NEDD4L: variants seen among roughly 807,000 people sequenced by gnomAD.
NEDD4L encodes E3 ubiquitin-protein ligase NEDD4-like.
In NEDD4L, 54 loss-of-function variants were observed where a neutral mutation model predicts 148.9. The observed-to-expected ratio is 0.36, with a 90% CI of 0.29 to 0.45. The LOEUF (loss-of-function observed/expected upper bound fraction) is 0.45. Ranked by LOEUF, NEDD4L falls within the 20% of genes least tolerant of loss-of-function variation. NEDD4L has a pLI of 1.00. For synonymous variants in NEDD4L, 433 were observed against 440.7 expected, an observed-to-expected ratio of 0.98 and a Z score of 0.22; for missense variants, 856 against 1,233.8, an observed-to-expected ratio of 0.69 and a Z score of 4.59.
At chr18:58,093,347 CG>C (rs769880463) in intron 1 of NEDD4L, among the ~76,000 whole-genome samples, 9 of 152,108 alleles carry the variant, frequency 5.9e-5, no homozygotes, top group Non-Finnish European at 1.0e-4. Context: ...GTAAGAACTG[CG>C]CAAGACAGTG....
chr18:58,385,940 A>G (rs944793286), intron 26 of NEDD4L, among the ~76,000 whole-genome samples: 11 of 152,144 alleles, frequency 7.2e-5, no homozygotes, highest in Non-Finnish European at 1.5e-4. Context: ...CTGCAGTGAC[A>G]GGTTCCAAGA....
At chr18:58,167,345 T>C (rs1249506671) in intron 2 of NEDD4L, among the ~76,000 whole-genome samples, 1 of 152,220 alleles carries the variant, frequency 6.6e-6, no homozygotes, top group African/African-American at 2.4e-5. Context: ...TTCTCTTCCC[T>C]TTCAGAGCAA....
chr18:58,192,699 G>C (rs1176935301), intron 2 of NEDD4L, among the ~76,000 whole-genome samples: 2 of 124,712 alleles, frequency 1.6e-5, no homozygotes, highest in Non-Finnish European at 3.2e-5. Flanking sequence ...ACAGGTACCT[G>C]TCTCTTTGAG....
intron 5 of NEDD4L, among the ~76,000 whole-genome samples, chr18:58,280,798 A>G (rs544324499): frequency 2.8e-4 from 42 of 152,178 alleles, no homozygotes; most frequent in Non-Finnish European, 4.7e-4. Context: ...GAAAGTCAGT[A>G]TGGCATATAG....
In NEDD4L at chr18:58,152,201, G is replaced by T. The variant is rs1186451163; in HGVS notation, c.49-13587G>T. Among the ~76,000 whole-genome samples, 5 of 152,290 alleles carry T rather than the reference G, an allele frequency of 3.3e-5. No homozygotes were observed. In the East Asian group the frequency reaches 7.7e-4, roughly 23 times the overall value. Reference sequence around the variant, plus strand: ...CTGAAGCACCTCTGTTAATATGTGTGTGTCTTCTCACGGGGTGATTCTTGA... The same window carrying T: ...CTGAAGCACCTCTGTTAATATGTGTTTGTCTTCTCACGGGGTGATTCTTGA... On this transcript the variant is annotated intron_variant, in intron 1 of 30. Coordinates refer to ENST00000400345, the MANE Select transcript of NEDD4L (RefSeq NM_001144967.3).
At chr18:58,046,945 T>C (rs945265651) in intron 1 of NEDD4L, 2 of 104,866 alleles carry the variant, frequency 1.9e-5, no homozygotes, top group Non-Finnish European at 3.8e-5. Context: ...TCACATTTCA[T>C]TGGTATTTGT....
intron 1 of NEDD4L, among the ~76,000 whole-genome samples, chr18:58,119,278 G>C (rs1026788710): frequency 6.6e-6 from 1 of 152,104 alleles, no homozygotes; most frequent in Non-Finnish European, 1.5e-5. Context: ...CCAGTTGCCT[G>C]CTCACTTTCC....
intron 1 of NEDD4L, among the ~76,000 whole-genome samples, chr18:58,132,879 G>T (rs1329542987): frequency 1.3e-5 from 2 of 152,168 alleles, no homozygotes; most frequent in Non-Finnish European, 2.9e-5. Context: ...AACATGTAGG[G>T]TAACTAGAGA....
intron 1 of NEDD4L, chr18:58,149,471 G>C: frequency 6.5e-7 from 1 of 1,549,528 alleles, no homozygotes; most frequent in African/African-American, 1.4e-5. Flanking sequence ...TTCAGAACTT[G>C]CTCTGCCCTT....
At chr18:58,337,735 C>A (rs2041951959) in intron 13 of NEDD4L, among the ~76,000 whole-genome samples, 1 of 152,166 alleles carries the variant, frequency 6.6e-6, no homozygotes, top group African/African-American at 2.4e-5. Flanking sequence ...TCTGCTCCCC[C>A]TACCCTGCCC....
At chr18:58,097,036 A>G (rs1487414476) in intron 1 of NEDD4L, among the ~76,000 whole-genome samples, 3 of 152,226 alleles carry the variant, frequency 2.0e-5, no homozygotes, top group Admixed American at 2.0e-4. Context: ...TCAGTGCTTC[A>G]TACAATTTCA....
In NEDD4L at chr18:58,256,488, GCA is replaced by G; in HGVS notation, c.297+4436_297+4437del. The G allele has an allele frequency of 1.6e-6, 2 of 1,232,284 alleles. No individual in the cohort carries two copies. The highest frequency in any genetic ancestry group is 2.0e-6 in the Non-Finnish European group (2 of 988,070). 76.3% of individuals were successfully genotyped at this position (1,232,284 alleles called of 1,614,324 possible). A position where few individuals can be genotyped will look rare whatever the true frequency, so the allele number is the denominator to read the frequency against. On this transcript the variant is annotated intron_variant, in intron 5 of 30. Transcript: ENST00000400345. This position sits in a 1 kb window ranked among gnomAD's most constrained non-coding sequence, Gnocchi z 5.2. ...TATCCTCGCATTCGGCTGGAGAGGA[GCA>G]CCTCGTACCCCACGCAGCCCCGAAG... is the stretch of plus-strand genomic sequence containing the variant.
intron 2 of NEDD4L, among the ~76,000 whole-genome samples, chr18:58,238,049 G>A (rs1281810831): frequency 6.6e-6 from 1 of 152,220 alleles, no homozygotes; most frequent in Non-Finnish European, 1.5e-5. Flanking sequence ...AAGCAATAAA[G>A]TTTTAATGTC....
At chr18:58,365,260 A>G (rs1383459927) in intron 20 of NEDD4L, among the ~76,000 whole-genome samples, 2 of 152,116 alleles carry the variant, frequency 1.3e-5, no homozygotes, top group East Asian at 3.8e-4. Context: ...AAAATTCCAC[A>G]GTTTTCTTTG....
At chr18:58,308,088 A>G (rs750218428) in intron 5 of NEDD4L, among the ~76,000 whole-genome samples, 11 of 152,232 alleles carry the variant, frequency 7.2e-5, no homozygotes, top group Non-Finnish European at 1.6e-4. Context: ...ATTAAACAAT[A>G]TTATATTAAG....
At chr18:58,365,107 C>G (rs1316953346) in intron 20 of NEDD4L, among the ~76,000 whole-genome samples, 1 of 152,218 alleles carries the variant, frequency 6.6e-6, no homozygotes, top group Non-Finnish European at 1.5e-5. Context: ...GCTGGTTCCT[C>G]CTGCCCGGGA....
intron 5 of NEDD4L, among the ~76,000 whole-genome samples, chr18:58,257,691 G>A (rs928728853): frequency 6.6e-6 from 1 of 152,164 alleles, no homozygotes; most frequent in African/African-American, 2.4e-5. Flanking sequence ...CAGAGAGACA[G>A]CTGCACGCTC....
At chr18:58,231,541 A>G (rs1232071605) in intron 2 of NEDD4L, among the ~76,000 whole-genome samples, 1 of 152,126 alleles carries the variant, frequency 6.6e-6, no homozygotes, top group Admixed American at 6.6e-5. Flanking sequence ...AAAACCAAAC[A>G]GATGTGGCTG....
chr18:58,045,166 C>T (rs1461008323), intron 1 of NEDD4L: 3 of 398,880 alleles, frequency 7.5e-6, no homozygotes, highest in Non-Finnish European at 1.3e-5. Flanking sequence ...AACTTTCTCT[C>T]TCATGATTGT....
Sources: allele counts gnomAD v4.1 joint callset (sites outside exome capture counted in the v4.1 genomes callset), GRCh38; gene constraint gnomAD v4.1.1; non-coding constraint Gnocchi (gnomAD v3.1); transcripts MANE v1.5; gene names NCBI Gene and HGNC (gene_info 2026-07-23, HGNC 2026-07-21).